Variants in NRP2 observed in about 807,000 individuals in gnomAD.
The protein encoded by NRP2 is neuropilin 2.
A neutral mutation model predicts 110.4 loss-of-function variants in NRP2; 52 were observed. The ratio of observed to expected loss-of-function variants is 0.47; its 90% CI spans 0.38 to 0.59. NRP2 has a LOEUF of 0.59. Ranked by LOEUF, NRP2 falls within the 20% of genes least tolerant of loss-of-function variation. NRP2 has a pLI of 0.00. For synonymous variants in NRP2, 508 were observed against 468.9 expected (o/e 1.08, Z -1.08); for missense variants, 1,049 against 1,203.0 (o/e 0.87, Z 1.89).
In NRP2 at chr2:205,686,628, G is replaced by A. The variant is rs1432539772; in HGVS notation, c.73+3265G>A. On this transcript the variant is annotated intron_variant, in intron 1 of 16. Coordinates refer to ENST00000357785, the MANE Select transcript of NRP2 (RefSeq NM_003872.3). The surrounding 1 kb of genome is among the most constrained non-coding windows in gnomAD (Gnocchi z 4.7). ...TGTTTGGAGGTGGGGGAGGGATTTG[G>A]AATAGACTTGTCGCCCCTCTGGGAA... Among the ~76,000 whole-genome samples the A allele has an allele frequency of 6.6e-6, 1 of 152,200 alleles. No individual in the cohort carries two copies. The highest frequency in any genetic ancestry group is 2.4e-5 in the African/African-American group (1 of 41,440).
chr2:205,716,477 C>T, intron 3 of NRP2, 103 bp downstream of exon 3: 2 of 1,205,718 alleles, frequency 1.7e-6, no homozygotes, highest in South Asian at 1.2e-5. Context: ...ACAGTGTCAT[C>T]CAGCTTGAGC....
rs1395624743 is a variant in NRP2 at position 205,683,460 on chromosome 2, G to T, written c.73+97G>T. 6 of 832,962 alleles carry T rather than the reference G, an allele frequency of 7.2e-6. No homozygotes were observed. In the African/African-American group the frequency reaches 1.0e-4, roughly 14 times the overall value. The allele number at this position is 832,962 out of a possible 1,614,324, so 51.6% of individuals were successfully genotyped here. On this transcript the variant is annotated intron_variant, in intron 1 of 16. Transcript: ENST00000357785. The stretch of plus-strand genomic sequence containing the variant: ...GGCCACGCAGAACGGCACAGAAGAA[G>T]GCTCCCTCAGTACTCAATAATTTAA...
intron 2 of NRP2, among the ~76,000 whole-genome samples, chr2:205,698,740 AGC>A (rs1352018942): frequency 3.3e-5 from 5 of 152,238 alleles, no homozygotes; most frequent in Non-Finnish European, 7.3e-5. Context: ...GCCCCAAATG[AGC>A]GCCTACGGAA....
rs1454944897 is a variant in NRP2 at position 205,743,340 on chromosome 2, C to T, written c.1429C>T (p.Arg477Ter). The T allele has an allele frequency of 1.9e-6, 3 of 1,614,218 alleles. No homozygotes were observed. The highest frequency in any genetic ancestry group is 2.5e-6 in the Non-Finnish European group (3 of 1,180,024). The change falls in exon 9 of 17, where the codon CGA (arginine) becomes TGA (stop). Residue 477 changes from arginine (R) to a stop codon, truncating the protein, a stop_gained. Coordinates refer to ENST00000357785, the MANE Select transcript of NRP2 (RefSeq NM_003872.3). LOFTEE classifies it high-confidence loss of function. ...TAGCAGCCGCTCGGGCTGGTTCCCT[C>T]GAATCCCTCAGGCCCAGCCCGGTGA... Reference protein sequence around the residue: ...LVSSRSGWFPRIPQAQPGEEW... With the variant: ...LVSSRSGWFP
intron 2 of NRP2, among the ~76,000 whole-genome samples, chr2:205,712,564 C>A (rs1575572576): frequency 6.6e-6 from 1 of 152,284 alleles, no homozygotes; most frequent in East Asian, 1.9e-4. Context: ...CACAAATGAA[C>A]CTGACAACAC....
Position 205,795,285 on chromosome 2 carries a change from C to A in NRP2, c.*227C>A. On this transcript the variant is annotated 3_prime_UTR_variant, in exon 17 of 17. Transcript: ENST00000357785. ...CGCGGTGGCTAAGTCATTGCAGGAA[C>A]GGGGCTGTGTTCTCTGCTGGGACAA... The A allele has an allele frequency of 1.9e-6, 1 of 536,622 alleles. No individual in the cohort carries two copies. The highest frequency in any genetic ancestry group is 2.8e-5 in the Admixed American group (1 of 35,948). The allele number at this position is 536,622 out of a possible 1,614,324, so 33.2% of individuals were successfully genotyped here.
At chr2:205,755,780 A>G (rs895957517) in intron 12 of NRP2, among the ~76,000 whole-genome samples, 3 of 151,966 alleles carry the variant, frequency 2.0e-5, no homozygotes, top group African/African-American at 7.3e-5. Context: ...GGACCGTCCC[A>G]CTCTTCACGA....
At chr2:205,793,422 AT>A (rs1179008348) in intron 16 of NRP2, among the ~76,000 whole-genome samples, 1 of 152,210 alleles carries the variant, frequency 6.6e-6, no homozygotes, top group African/African-American at 2.4e-5. Context: ...TGATGCCCAG[AT>A]GTGGGCATGC....
At chr2:205,757,693 C>T (rs2057755636) in intron 12 of NRP2, among the ~76,000 whole-genome samples, 1 of 152,146 alleles carries the variant, frequency 6.6e-6, no homozygotes, top group Non-Finnish European at 1.5e-5. Context: ...GGCACAGACA[C>T]TGCAAATCCA....
At position 205,716,262 on chromosome 2, in the gene NRP2, C is replaced by T; in HGVS notation, c.321C>T (p.Asn107=). 1 of 1,614,202 alleles carries T rather than the reference C, an allele frequency of 6.2e-7. No homozygotes were observed. Among genetic ancestry groups the T allele is most frequent in the Non-Finnish European group, 8.5e-7 (1 of 1,180,042 alleles). The change falls in exon 3 of 17, where the codon AAC becomes AAT. Residue 107 remains asparagine, a synonymous_variant. Coordinates refer to ENST00000357785, the MANE Select transcript of NRP2 (RefSeq NM_003872.3). Reference sequence around the variant, plus strand: ...ACCTCCTGGGCAAACACTGTGGGAACATCGCCCCGCCCACCATCATCTCCT... The same window carrying T: ...ACCTCCTGGGCAAACACTGTGGGAATATCGCCCCGCCCACCATCATCTCCT... ...SADLLGKHCG[N]IAPPTIISSG...
At chr2:205,783,680 C>A (rs1169092319) in intron 15 of NRP2, among the ~76,000 whole-genome samples, 1 of 152,178 alleles carries the variant, frequency 6.6e-6, no homozygotes, top group African/African-American at 2.4e-5. Flanking sequence ...TAGGCATAGG[C>A]AAAGCTACTA....
At chr2:205,768,840 G>A (rs532626863) in intron 15 of NRP2, among the ~76,000 whole-genome samples, 1 of 152,216 alleles carries the variant, frequency 6.6e-6, no homozygotes, top group African/African-American at 2.4e-5. Context: ...GGGGAGCAGA[G>A]ACTTGGCCAA....
At chr2:205,752,807 C>A in intron 11 of NRP2, 28 bp from the exon 12 acceptor site, 2 of 1,613,562 alleles carry the variant, frequency 1.2e-6, no homozygotes, top group East Asian at 4.5e-5. Context: ...CATTTGCCTT[C>A]CTTTGGGTTA....
chr2:205,779,211 G>A (rs2058144773), intron 15 of NRP2: 1 of 152,182 alleles, frequency 6.6e-6, no homozygotes, highest in Admixed American at 6.5e-5. Context: ...CCTTAGTAGA[G>A]GTTTTATGTC....
At chr2:205,695,228 C>T (rs2056398434) in intron 1 of NRP2, among the ~76,000 whole-genome samples, 1 of 152,124 alleles carries the variant, frequency 6.6e-6, no homozygotes, top group Admixed American at 6.5e-5. Flanking sequence ...TGGATGACTC[C>T]TTTTTCTTTT....
chr2:205,784,259 A>G (rs2058211460), intron 15 of NRP2, among the ~76,000 whole-genome samples: 1 of 152,194 alleles, frequency 6.6e-6, no homozygotes, highest in Non-Finnish European at 1.5e-5. Flanking sequence ...GTGTGCAGAA[A>G]GCCTTGAGCT....
At chr2:205,742,061 T>C (rs913430683) in intron 8 of NRP2, among the ~76,000 whole-genome samples, 2 of 152,246 alleles carry the variant, frequency 1.3e-5, no homozygotes, top group Non-Finnish European at 2.9e-5. Flanking sequence ...TTTCTGTCCC[T>C]TCCCTGTTGC....
At chr2:205,753,452 A>T (rs1237199670) in intron 12 of NRP2, among the ~76,000 whole-genome samples, 1 of 152,134 alleles carries the variant, frequency 6.6e-6, no homozygotes. Context: ...AATTTGAGGG[A>T]CCAAAATGCT....
chr2:205,734,824 C>A (rs1033380486), intron 7 of NRP2, among the ~76,000 whole-genome samples: 1 of 152,194 alleles, frequency 6.6e-6, no homozygotes, highest in Non-Finnish European at 1.5e-5. Context: ...TGCACAATGT[C>A]TACCCCAGGG....
Sources: allele counts gnomAD v4.1 joint callset (sites outside exome capture counted in the v4.1 genomes callset), GRCh38; gene constraint gnomAD v4.1.1; non-coding constraint Gnocchi (gnomAD v3.1); transcripts MANE v1.5; gene names NCBI Gene and HGNC (gene_info 2026-07-23, HGNC 2026-07-21).